PAQR5: variants seen among roughly 807,000 people sequenced by gnomAD.
The protein encoded by PAQR5 is progestin and adipoQ receptor family member 5.
Under a neutral mutation model 34.5 loss-of-function variants are expected in PAQR5, and 20 were observed. The ratio of observed to expected loss-of-function variants is 0.58; its 90% confidence interval spans 0.41 to 0.84. PAQR5 has a LOEUF of 0.84. Ranked by LOEUF, PAQR5 falls within the 40% of genes least tolerant of loss-of-function variation. The probability of loss-of-function intolerance (pLI) is 0.00; values close to 1 mark genes in which losing one functional copy is unlikely to be tolerated. For synonymous variants in PAQR5, 131 were observed against 155.6 expected (o/e 0.84, Z 1.18); for missense variants, 378 against 412.7 (o/e 0.92, Z 0.73).
At chr15:69,337,862 G>T (rs1401895105) in intron 2 of PAQR5, among the ~76,000 whole-genome samples, 1 of 152,054 alleles carries the variant, frequency 6.6e-6, no homozygotes, top group African/African-American at 2.4e-5. Context: ...ATTGCTTGAG[G>T]TTGGGAGTTC....
chr15:69,303,635 A>G (rs1379170524), intron 1 of PAQR5, among the ~76,000 whole-genome samples: 1 of 151,750 alleles, frequency 6.6e-6, no homozygotes, highest in Non-Finnish European at 1.5e-5. Context: ...GCACTGGAGA[A>G]CTAAGGAAGT....
At chr15:69,318,070 A>C (rs1595844454) in intron 1 of PAQR5, among the ~76,000 whole-genome samples, 1 of 152,120 alleles carries the variant, frequency 6.6e-6, no homozygotes, top group Non-Finnish European at 1.5e-5. Flanking sequence ...TATCCCATAC[A>C]TCGGGCAATG....
rs111647955 is a variant in PAQR5, at chr15:69,339,168, A to ACCCCCCCCCCC, written c.-116+1668_-116+1669insCCCCCCCCCCC. Among the ~76,000 whole-genome samples the ACCCCCCCCCCC allele has an allele frequency of 3.9e-4, 52 of 134,026 alleles. 3 individuals carry two copies. The highest frequency in any genetic ancestry group is 6.6e-4 in the Non-Finnish European group (40 of 60,278). The allele number at this position is 134,026 out of a possible 152,430, so 87.9% of individuals were successfully genotyped here. ...AGTCACCACTCCTGGCCCACTGGCTACACCCCCCACCCCGCCACCAAGTTA... is the reference window on the plus strand; with the variant it reads ...AGTCACCACTCCTGGCCCACTGGCTACCCCCCCCCCCCACCCCCCACCCCGCCACCAAGTTA... On this transcript the variant is annotated intron_variant, in intron 2 of 8. Coordinates refer to ENST00000395407, the MANE Select transcript of PAQR5 (RefSeq NM_017705.4).
intron 1 of PAQR5, among the ~76,000 whole-genome samples, chr15:69,312,100 G>A (rs2053846193): frequency 6.6e-6 from 1 of 152,144 alleles, no homozygotes; most frequent in South Asian, 2.1e-4. Context: ...GCAAACTGCG[G>A]GGTGCAGGGG....
chr15:69,319,189 A>ATT (rs2054035232), intron 1 of PAQR5, among the ~76,000 whole-genome samples: 1 of 8,814 alleles, frequency 1.1e-4, no homozygotes, highest in African/African-American at 1.6e-4. Flanking sequence ...ATATATATAT[A>ATT]TATATATATA....
rs934020025 is a variant in PAQR5, at chr15:69,400,254, A to C, written c.751+139A>C. The C allele has an allele frequency of 2.0e-5, 17 of 853,006 alleles. No individual in the cohort carries two copies. In the African/African-American group the frequency reaches 2.4e-4, roughly 12 times the overall value. The allele number at this position is 853,006 out of a possible 1,614,324, so 52.8% of individuals were successfully genotyped here. On this transcript the variant is annotated intron_variant, in intron 8 of 8. Transcript: ENST00000395407. ...CCAAGGCGAGTAACATTGCAAGTTG[A>C]CAGAGGTCAGGATGTCTGCAGCAGG...
intron 2 of PAQR5, among the ~76,000 whole-genome samples, chr15:69,350,456 A>C (rs930480321): frequency 2.0e-5 from 3 of 152,154 alleles, no homozygotes; most frequent in African/African-American, 7.2e-5. Flanking sequence ...CAGCCTGGCC[A>C]ACATGGTGAA....
intron 2 of PAQR5, among the ~76,000 whole-genome samples, chr15:69,348,119 G>GC (rs11421454): frequency 0.085 from 12,976 of 152,052 alleles, 866 homozygotes; most frequent in African/African-American, 0.17. Flanking sequence ...GAAACCAAAG[G>GC]CCGCCTACTG....
chr15:69,326,995 G>GT lies in PAQR5; in HGVS notation c.-276-10336dup, dbSNP rs980413953. On this transcript the variant is annotated intron_variant, in intron 1 of 8. Transcript: ENST00000395407. The stretch of plus-strand genomic sequence containing the variant: ...TTCCACCATTACAGTATCATGCTGG[G>GT]TTTTTTTTTTAGATGAGGTTTTGCT... Among the ~76,000 whole-genome samples the GT allele has an allele frequency of 3.3e-3, 493 of 147,424 alleles. 2 individuals are homozygous for GT. The highest frequency in any genetic ancestry group is 9.1e-3 in the African/African-American group (367 of 40,238).
chr15:69,334,282 C>G (rs549590674), intron 1 of PAQR5, among the ~76,000 whole-genome samples: 1 of 152,284 alleles, frequency 6.6e-6, no homozygotes, highest in Non-Finnish European at 1.5e-5. Context: ...CCCACCTCGG[C>G]CTTCCAAAGT....
intron 1 of PAQR5, among the ~76,000 whole-genome samples, chr15:69,327,939 C>T (rs368561578): frequency 2.0e-5 from 3 of 152,056 alleles, no homozygotes; most frequent in East Asian, 1.9e-4. Flanking sequence ...CCACCACACC[C>T]GGCTAATTTT....
chr15:69,353,216 G>A (rs13329079), intron 2 of PAQR5, among the ~76,000 whole-genome samples: 2 of 152,148 alleles, frequency 1.3e-5, no homozygotes, highest in African/African-American at 2.4e-5. Flanking sequence ...TACCTGGGGC[G>A]ATCAGCCAGC....
At chr15:69,359,498 G>A (rs11072090) in intron 2 of PAQR5, among the ~76,000 whole-genome samples, 125,927 of 151,860 alleles carry the variant, frequency 0.83, 54,251 homozygotes, top group Non-Finnish European at 0.96. Flanking sequence ...TTGATTGATC[G>A]AGCAGGGGGT....
At chr15:69,389,269 G>C (rs1176926544) in intron 5 of PAQR5, among the ~76,000 whole-genome samples, 3 of 152,252 alleles carry the variant, frequency 2.0e-5, no homozygotes, top group African/African-American at 4.8e-5. Context: ...TCACTAACCT[G>C]TCTGGGTTTG....
At chr15:69,334,210 A>G (rs893813248) in intron 1 of PAQR5, among the ~76,000 whole-genome samples, 7 of 152,020 alleles carry the variant, frequency 4.6e-5, no homozygotes, top group African/African-American at 1.7e-4. Context: ...TTGTATTTTT[A>G]GTAGAGATGG....
intron 1 of PAQR5, among the ~76,000 whole-genome samples, chr15:69,308,710 G>T (rs2053768962): frequency 6.6e-6 from 1 of 152,150 alleles, no homozygotes; most frequent in Admixed American, 6.5e-5. Flanking sequence ...ATAAGAATTA[G>T]TTAGGATACA....
At chr15:69,313,834 G>A (rs941084399) in intron 1 of PAQR5, among the ~76,000 whole-genome samples, 1 of 152,102 alleles carries the variant, frequency 6.6e-6, no homozygotes, top group Non-Finnish European at 1.5e-5. Flanking sequence ...TGGAGTTCCT[G>A]CCAACAGTGA....
At chr15:69,398,989 T>G (rs1272772714) in intron 7 of PAQR5, among the ~76,000 whole-genome samples, 1 of 152,176 alleles carries the variant, frequency 6.6e-6, no homozygotes, top group Non-Finnish European at 1.5e-5. Context: ...GAAGATAGAG[T>G]CTGCCTTATG....
At chr15:69,317,773 C>T (rs1397181632) in intron 1 of PAQR5, among the ~76,000 whole-genome samples, 3 of 152,086 alleles carry the variant, frequency 2.0e-5, no homozygotes, top group African/African-American at 7.2e-5. Flanking sequence ...TCCACGTGCC[C>T]ACCCTCCTTT....
Sources: gnomAD v4.1 joint callset for allele counts (sites outside exome capture counted in the v4.1 genomes callset) on GRCh38, gnomAD v4.1.1 for gene constraint, MANE v1.5 for transcripts, NCBI Gene and HGNC (gene_info 2026-07-23, HGNC 2026-07-21) for gene names.